The following ITGA9 variants were observed in gnomAD, a reference collection of about 807,000 sequenced individuals.
ITGA9 encodes the protein integrin alpha-9.
A neutral mutation model predicts 127.8 loss-of-function variants in ITGA9; 56 were observed. The observed-to-expected ratio is 0.44, with a 90% CI of 0.35 to 0.55. The LOEUF (loss-of-function observed/expected upper bound fraction) is 0.55. Among genes scored for constraint, ITGA9 ranks in the 20% least tolerant of loss-of-function variants. The probability of loss-of-function intolerance (pLI) is 0.00; values close to 1 mark genes in which losing one functional copy is unlikely to be tolerated. For synonymous variants in ITGA9, 508 were observed against 514.5 expected, an observed-to-expected ratio of 0.99 and a Z score of 0.17; for missense variants, 1,196 against 1,347.1, an observed-to-expected ratio of 0.89 and a Z score of 1.76.
At chr3:37,768,546 G>C (rs975050514) in intron 23 of ITGA9, among the ~76,000 whole-genome samples, 2 of 152,170 alleles carry the variant, frequency 1.3e-5, no homozygotes, top group East Asian at 1.9e-4. Context: ...CTCAAGGAGC[G>C]TGTGACTTCA....
intron 15 of ITGA9, among the ~76,000 whole-genome samples, chr3:37,623,212 C>A (rs1413450959): frequency 6.6e-6 from 1 of 152,196 alleles, no homozygotes; most frequent in Non-Finnish European, 1.5e-5. Flanking sequence ...AGTCTCACAG[C>A]CCCGTGCTGC....
At chr3:37,555,992 G>A (rs1892803) in intron 15 of ITGA9, among the ~76,000 whole-genome samples, 117,984 of 152,162 alleles carry the variant, frequency 0.78, 47,970 homozygotes, top group Non-Finnish European at 0.9. Context: ...TTTAGGTTTG[G>A]GACATATTAC....
chr3:37,549,473 C>A (rs1699359708), intron 15 of ITGA9, among the ~76,000 whole-genome samples: 1 of 152,166 alleles, frequency 6.6e-6, no homozygotes, highest in African/African-American at 2.4e-5. Context: ...CAGTTTGTAG[C>A]AATTGCTATG....
intron 17 of ITGA9, among the ~76,000 whole-genome samples, chr3:37,662,390 G>A (rs1700546823): frequency 2.8e-5 from 4 of 142,754 alleles, no homozygotes; most frequent in Admixed American, 1.5e-4. Flanking sequence ...GTGACCGGGG[G>A]CAAAAAAATA....
At chr3:37,515,440 T>C (rs979442183) in intron 9 of ITGA9, among the ~76,000 whole-genome samples, 6 of 152,270 alleles carry the variant, frequency 3.9e-5, no homozygotes, top group Admixed American at 3.9e-4. Flanking sequence ...GAGCCTTATG[T>C]TGCGTCTGAG....
chr3:37,697,413 G>A (rs758024324), intron 18 of ITGA9, among the ~76,000 whole-genome samples: 4 of 151,662 alleles, frequency 2.6e-5, no homozygotes, highest in Non-Finnish European at 5.9e-5. Flanking sequence ...GTATACATGT[G>A]CCATGTTGGT....
chr3:37,775,966 T>C (rs1696902308), intron 23 of ITGA9, among the ~76,000 whole-genome samples: 1 of 151,964 alleles, frequency 6.6e-6, no homozygotes, highest in African/African-American at 2.4e-5. Context: ...ATAAAGAAAA[T>C]GTTGTACAGA....
At chr3:37,684,670 TG>T (rs1263699394) in intron 18 of ITGA9, among the ~76,000 whole-genome samples, 1 of 152,170 alleles carries the variant, frequency 6.6e-6, no homozygotes, top group Non-Finnish European at 1.5e-5. Context: ...GGTTTTGCCA[TG>T]TTGGCCAGGC....
intron 23 of ITGA9, among the ~76,000 whole-genome samples, chr3:37,763,716 G>C (rs1696747556): frequency 6.6e-6 from 1 of 152,222 alleles, no homozygotes; most frequent in South Asian, 2.1e-4. Context: ...ACTTGTATAA[G>C]AGCCAGACCT....
intron 4 of ITGA9, among the ~76,000 whole-genome samples, chr3:37,487,122 T>G (rs1698617882): frequency 6.6e-6 from 1 of 152,254 alleles, no homozygotes; most frequent in Admixed American, 6.5e-5. Context: ...CATAAAAGGC[T>G]AAGTTGATCC....
intron 17 of ITGA9, among the ~76,000 whole-genome samples, chr3:37,659,092 C>G (rs769811376): frequency 6.6e-6 from 1 of 152,212 alleles, no homozygotes; most frequent in African/African-American, 2.4e-5. Context: ...CAACCTTTCT[C>G]TCTGGCTGCC....
chr3:37,683,809 C>G, intron 17 of ITGA9, 56 bp from the exon 18 acceptor site: 1 of 1,583,896 alleles, frequency 6.3e-7, no homozygotes, highest in African/African-American at 1.3e-5. Context: ...CCCTGTGCCT[C>G]ATGTTATATT....
At chr3:37,763,156 G>A (rs1017679180) in intron 23 of ITGA9, among the ~76,000 whole-genome samples, 2 of 152,184 alleles carry the variant, frequency 1.3e-5, no homozygotes, top group Non-Finnish European at 2.9e-5. Flanking sequence ...ATTCTGGTGG[G>A]GAAAGAGTAA....
chr3:37,729,041 A>G (rs1269604047), intron 18 of ITGA9, among the ~76,000 whole-genome samples: 1 of 151,820 alleles, frequency 6.6e-6, no homozygotes, highest in African/African-American at 2.4e-5. Context: ...GCTTTTGGGG[A>G]AGGTGTCATA....
chr3:37,679,547 G>GCTCAACTTCTTCA lies in ITGA9; in HGVS notation c.1917-4317_1917-4305dup, dbSNP rs1157303688. Among the ~76,000 whole-genome samples the GCTCAACTTCTTCA allele has an allele frequency of 9.8e-5, 15 of 152,286 alleles. No individual in the cohort carries two copies. The South Asian group carries it at 3.1e-3, about 32-fold the overall frequency. Reference sequence around the variant, plus strand: ...AGTTGGGTGGGTTCCCCTTTCTGGGGCTCAACTTCTTCATCTGTAAAATGT... The same window carrying GCTCAACTTCTTCA: ...AGTTGGGTGGGTTCCCCTTTCTGGGGCTCAACTTCTTCACTCAACTTCTTCATCTGTAAAATGT... On this transcript the variant is annotated intron_variant, in intron 17 of 27. Coordinates refer to ENST00000264741, the MANE Select transcript of ITGA9 (RefSeq NM_002207.3).
intron 15 of ITGA9, among the ~76,000 whole-genome samples, chr3:37,616,847 C>G (rs1227789253): frequency 6.6e-6 from 1 of 152,278 alleles, no homozygotes; most frequent in Admixed American, 6.5e-5. Flanking sequence ...TTATTTTGAG[C>G]CTATGTGTGT....
At chr3:37,687,004 T>G (rs1559567789) in intron 18 of ITGA9, among the ~76,000 whole-genome samples, 1 of 152,106 alleles carries the variant, frequency 6.6e-6, no homozygotes, top group Admixed American at 6.5e-5. Flanking sequence ...CTGTGAAATA[T>G]TCTAATGGGT....
intron 23 of ITGA9, among the ~76,000 whole-genome samples, chr3:37,770,223 CA>C (rs1266341325): frequency 1.6e-4 from 24 of 152,328 alleles, no homozygotes; most frequent in African/African-American, 5.5e-4. Context: ...CGTAAGGATT[CA>C]GCATATGCCG....
intron 18 of ITGA9, among the ~76,000 whole-genome samples, chr3:37,694,828 A>C (rs1468729581): frequency 6.6e-6 from 1 of 152,228 alleles, no homozygotes; most frequent in Non-Finnish European, 1.5e-5. Flanking sequence ...AAAGCCATGA[A>C]AGACTACTAA....
Sources: allele counts gnomAD v4.1 joint callset (sites outside exome capture counted in the v4.1 genomes callset), GRCh38; gene constraint gnomAD v4.1.1; transcripts MANE v1.5; gene names NCBI Gene and HGNC (gene_info 2026-07-23, HGNC 2026-07-21).